The following ROBO2 variants were observed in gnomAD, a reference collection of about 807,000 sequenced individuals.
ROBO2 encodes roundabout homolog 2.
Under a neutral mutation model 160.8 loss-of-function variants are expected in ROBO2, and 53 were observed. The observed-to-expected ratio is 0.33, with a 90% CI of 0.26 to 0.41. The LOEUF (loss-of-function observed/expected upper bound fraction) is 0.41, where lower values mean the gene tolerates loss of function less well. ROBO2 is among the 10% of genes least tolerant of loss of function. The pLI, the probability that ROBO2 is intolerant of heterozygous loss-of-function variation, is 1.00. For synonymous variants in ROBO2, 664 were observed against 611.7 expected (o/e 1.09, Z -1.26); for missense variants, 1,577 against 1,722.4 (o/e 0.92, Z 1.49).
At chr3:77,582,259 A>AC (rs1451374970) in intron 16 of ROBO2, among the ~76,000 whole-genome samples, 3 of 151,944 alleles carry the variant, frequency 2.0e-5, no homozygotes, top group Non-Finnish European at 2.9e-5. Context: ...ATGCCACCAC[A>AC]CCCGGCTAAC....
intron 2 of ROBO2, among the ~76,000 whole-genome samples, chr3:76,226,096 A>C: frequency 6.6e-6 from 1 of 152,180 alleles, no homozygotes; most frequent in East Asian, 1.9e-4. Context: ...AATTCAGCAA[A>C]CCCTGAGATT....
chr3:77,416,600 C>G (rs557192051), intron 2 of ROBO2, among the ~76,000 whole-genome samples: 1 of 151,540 alleles, frequency 6.6e-6, no homozygotes, highest in African/African-American at 2.4e-5. Flanking sequence ...GCCTGTAATC[C>G]CAGCTACTCA....
chr3:77,319,464 T>C (rs966267417), intron 2 of ROBO2, among the ~76,000 whole-genome samples: 3 of 152,176 alleles, frequency 2.0e-5, no homozygotes, highest in African/African-American at 7.2e-5. Flanking sequence ...CTCATGCTGA[T>C]TGACAGAACA....
intron 2 of ROBO2, among the ~76,000 whole-genome samples, chr3:76,151,015 C>T (rs1014778367): frequency 1.3e-5 from 2 of 152,124 alleles, no homozygotes; most frequent in Non-Finnish European, 2.9e-5. Context: ...CCCGACCCTA[C>T]CGTGTGTTGG....
intron 2 of ROBO2, among the ~76,000 whole-genome samples, chr3:76,954,496 ATGTC>A (rs2079132879): frequency 6.6e-6 from 1 of 152,162 alleles, no homozygotes; most frequent in Non-Finnish European, 1.5e-5. Context: ...TTCTAACACT[ATGTC>A]TGTCTATGTT....
At position 76,438,449 on chromosome 3, in the gene ROBO2, A is replaced by C. The variant is rs369986745; in HGVS notation, c.109+500847A>C. 3.7e-3 allele frequency among the ~76,000 whole-genome samples: 559 copies of C among 151,836 alleles called. 5 individuals are homozygous for C. The highest frequency in any genetic ancestry group is 0.013 in the African/African-American group (531 of 41,446). The stretch of plus-strand genomic sequence containing the variant: ...ACACACACACACACACACAATGCAC[A>C]TATATGATGGTAGCACGTATTTTAC... On this transcript the variant is annotated intron_variant, in intron 2 of 26. Transcript: ENST00000487694.
chr3:76,715,290 G>T (rs1014968303), intron 2 of ROBO2, among the ~76,000 whole-genome samples: 22 of 152,042 alleles, frequency 1.4e-4, no homozygotes, highest in African/African-American at 4.8e-4. Flanking sequence ...ATATGCTTTT[G>T]TTACGAAGAA....
intron 2 of ROBO2, among the ~76,000 whole-genome samples, chr3:76,077,954 C>T (rs1173444135): frequency 6.6e-6 from 1 of 152,208 alleles, no homozygotes; most frequent in African/African-American, 2.4e-5. Context: ...AGCATAATTT[C>T]CTCATTTCTT....
At chr3:76,523,643 C>T (rs1361441019) in intron 2 of ROBO2, among the ~76,000 whole-genome samples, 1 of 152,116 alleles carries the variant, frequency 6.6e-6, no homozygotes, top group Non-Finnish European at 1.5e-5. Flanking sequence ...CTCTCATTAT[C>T]TCACATTTCT....
intron 2 of ROBO2, among the ~76,000 whole-genome samples, chr3:76,242,229 C>T (rs1705331860): frequency 6.6e-6 from 1 of 152,030 alleles, no homozygotes; most frequent in African/African-American, 2.4e-5. Flanking sequence ...TAGCCAGTTA[C>T]ATTATGGATC....
At chr3:76,531,620 CTT>C (rs74266991) in intron 2 of ROBO2, among the ~76,000 whole-genome samples, 20 of 121,822 alleles carry the variant, frequency 1.6e-4, no homozygotes, top group Non-Finnish European at 3.0e-4. Context: ...TGTACAGTTT[CTT>C]TTTTTTTTTT....
chr3:77,101,540 A>G (rs1334205040), intron 2 of ROBO2, among the ~76,000 whole-genome samples: 1 of 152,158 alleles, frequency 6.6e-6, no homozygotes, highest in East Asian at 1.9e-4. Context: ...ACGGAAGTAT[A>G]TAGAAGTAGA....
intron 2 of ROBO2, among the ~76,000 whole-genome samples, chr3:76,210,956 A>T (rs1703109365): frequency 6.6e-6 from 1 of 152,138 alleles, no homozygotes; most frequent in Non-Finnish European, 1.5e-5. Context: ...CTGAGTTAAT[A>T]TGCTCAGCAT....
At chr3:76,626,514 T>C (rs982202655) in intron 2 of ROBO2, among the ~76,000 whole-genome samples, 1 of 151,930 alleles carries the variant, frequency 6.6e-6, no homozygotes, top group Non-Finnish European at 1.5e-5. Flanking sequence ...AAAGAAGTAT[T>C]TTGTGGAAGG....
At chr3:77,287,656 G>A (rs2060702193) in intron 2 of ROBO2, among the ~76,000 whole-genome samples, 1 of 152,164 alleles carries the variant, frequency 6.6e-6, no homozygotes, top group Non-Finnish European at 1.5e-5. Context: ...GATTTTAGGT[G>A]TTTGAGAAGA....
intron 2 of ROBO2, among the ~76,000 whole-genome samples, chr3:77,245,035 T>C (rs891581848): frequency 2.0e-5 from 3 of 152,136 alleles, no homozygotes; most frequent in African/African-American, 4.8e-5. Context: ...TCCATTTTTA[T>C]TTAAAATTAT....
intron 9 of ROBO2, among the ~76,000 whole-genome samples, chr3:77,558,614 A>G (rs116146925): frequency 1.1e-3 from 160 of 152,104 alleles, no homozygotes; most frequent in African/African-American, 3.7e-3. Flanking sequence ...TTAGTGGGAA[A>G]CCTTAGGTTG....
chr3:76,280,333 T>C (rs1708164987), intron 2 of ROBO2, among the ~76,000 whole-genome samples: 1 of 151,924 alleles, frequency 6.6e-6, no homozygotes, highest in African/African-American at 2.4e-5. Flanking sequence ...AGGAAGTAAT[T>C]AAGGTTAAAT....
chr3:76,445,234 G>T (rs1577237579), intron 2 of ROBO2, among the ~76,000 whole-genome samples: 1 of 151,986 alleles, frequency 6.6e-6, no homozygotes, highest in African/African-American at 2.4e-5. Context: ...AATTGTACAG[G>T]GAAGTGCACA....
Sources: gnomAD v4.1 joint callset for allele counts (sites outside exome capture counted in the v4.1 genomes callset) on GRCh38, gnomAD v4.1.1 for gene constraint, MANE v1.5 for transcripts, NCBI Gene and HGNC (gene_info 2026-07-23, HGNC 2026-07-21) for gene names.